Variants in TCF7L1 observed in about 807,000 individuals in gnomAD.
TCF7L1 encodes the protein transcription factor 7 like 1.
Under a neutral mutation model 63.7 loss-of-function variants are expected in TCF7L1, and 18 were observed. That is an observed-to-expected ratio of 0.28 (90% CI 0.20 to 0.42). TCF7L1 has a LOEUF of 0.42. TCF7L1 is among the 10% of genes least tolerant of loss of function. TCF7L1 has a pLI of 1.00. For synonymous variants in TCF7L1, 355 were observed against 340.9 expected, an observed-to-expected ratio of 1.04 and a Z score of -0.46; for missense variants, 654 against 779.3, an observed-to-expected ratio of 0.84 and a Z score of 1.91.
intron 3 of TCF7L1, among the ~76,000 whole-genome samples, chr2:85,267,330 CAAA>C (rs1217663362): frequency 0.015 from 665 of 44,122 alleles, 5 homozygotes; most frequent in African/African-American, 0.054. Context: ...GGCTCTGTCT[CAAA>C]AAAAAAAAAA....
At chr2:85,224,123 G>GT (rs1392007739) in intron 3 of TCF7L1, among the ~76,000 whole-genome samples, 10 of 152,096 alleles carry the variant, frequency 6.6e-5, no homozygotes, top group Admixed American at 1.3e-4. Context: ...TGAAATCATC[G>GT]TTTTTTATAG....
chr2:85,214,703 C>T (rs1255424824), intron 3 of TCF7L1, among the ~76,000 whole-genome samples: 1 of 152,142 alleles, frequency 6.6e-6, no homozygotes, highest in African/African-American at 2.4e-5. Flanking sequence ...ATTAATTGAG[C>T]TGTACATTTA....
At chr2:85,173,862 G>A (rs926446110) in intron 3 of TCF7L1, among the ~76,000 whole-genome samples, 1 of 151,994 alleles carries the variant, frequency 6.6e-6, no homozygotes, top group African/African-American at 2.4e-5. Context: ...TCGGCCTCCT[G>A]AGTAGCTAGG....
intron 3 of TCF7L1, among the ~76,000 whole-genome samples, chr2:85,184,027 C>A (rs2104254373): frequency 6.6e-6 from 1 of 152,304 alleles, no homozygotes; most frequent in East Asian, 1.9e-4. Flanking sequence ...TACAAGGTGT[C>A]ATTCCAGGAA....
At chr2:85,216,384 C>T (rs1033519996) in intron 3 of TCF7L1, among the ~76,000 whole-genome samples, 3 of 152,084 alleles carry the variant, frequency 2.0e-5, no homozygotes, top group African/African-American at 4.8e-5. Flanking sequence ...CATGAAGACC[C>T]GACAGCCCAC....
intron 3 of TCF7L1, among the ~76,000 whole-genome samples, chr2:85,269,578 G>A (rs1405724874): frequency 6.6e-6 from 1 of 152,160 alleles, no homozygotes. Context: ...AAAGTGCTGG[G>A]CTTACAGGCG....
At chr2:85,147,114 A>G (rs1677897225) in intron 3 of TCF7L1, among the ~76,000 whole-genome samples, 1 of 151,968 alleles carries the variant, frequency 6.6e-6, no homozygotes, top group Non-Finnish European at 1.5e-5. Context: ...GTATGTTTGG[A>G]AAAGTTCGGA....
chr2:85,219,077 C>T (rs1039663714), intron 3 of TCF7L1, among the ~76,000 whole-genome samples: 1 of 151,904 alleles, frequency 6.6e-6, no homozygotes, highest in Non-Finnish European at 1.5e-5. Context: ...GGCTTGAGCC[C>T]AGAAGTTAGG....
Position 85,134,416 on chromosome 2 carries a change from C to T in TCF7L1, c.407C>T (p.Ser136Phe). 6.4e-7 allele frequency: 1 copy of T among 1,563,238 alleles called. No homozygotes were observed. The highest frequency in any genetic ancestry group is 8.7e-7 in the Non-Finnish European group (1 of 1,153,390). Reference protein sequence around the residue: ...MIPDLSSPYLSNGPLSPGGAR... With the variant: ...MIPDLSSPYLFNGPLSPGGAR... ...CCGGACCTGAGCAGCCCGTACCTCT[C>T]CAACGGACCCCTGTCTCCCGGAGGA... The change falls in exon 3 of 12, where the codon TCC becomes TTC. Residue 136 changes from serine to phenylalanine, a missense_variant. Coordinates refer to ENST00000282111, the MANE Select transcript of TCF7L1 (RefSeq NM_031283.3). This position sits in a 1 kb window ranked among gnomAD's most constrained non-coding sequence, Gnocchi z 5.0.
chr2:85,235,126 C>T (rs902936878), intron 3 of TCF7L1, among the ~76,000 whole-genome samples: 7 of 152,100 alleles, frequency 4.6e-5, no homozygotes, highest in Non-Finnish European at 1.0e-4. Flanking sequence ...GAAACCAGAG[C>T]TTACTGAGGG....
intron 4 of TCF7L1, among the ~76,000 whole-genome samples, chr2:85,290,582 G>A (rs137882132): frequency 1.2e-4 from 19 of 152,280 alleles, no homozygotes; most frequent in Admixed American, 2.6e-4. Context: ...CCACAATCAA[G>A]ATATAGAACA....
At chr2:85,237,999 C>T (rs890901598) in intron 3 of TCF7L1, among the ~76,000 whole-genome samples, 1 of 152,046 alleles carries the variant, frequency 6.6e-6, no homozygotes, top group Non-Finnish European at 1.5e-5. Context: ...GCATTCCAGG[C>T]GAAGGAGGCT....
chr2:85,229,849 A>G (rs1680038203), intron 3 of TCF7L1, among the ~76,000 whole-genome samples: 3 of 152,150 alleles, frequency 2.0e-5, no homozygotes, highest in South Asian at 4.1e-4. Context: ...TCTACTAAAA[A>G]TACAAAAAAA....
chr2:85,301,901 G>A (rs1205310573), intron 4 of TCF7L1, among the ~76,000 whole-genome samples: 1 of 152,088 alleles, frequency 6.6e-6, no homozygotes, highest in Non-Finnish European at 1.5e-5. Context: ...CGAGGCGGGT[G>A]GATCACCTGA....
intron 3 of TCF7L1, among the ~76,000 whole-genome samples, chr2:85,215,784 G>C (rs1243117062): frequency 2.1e-5 from 3 of 146,028 alleles, no homozygotes; most frequent in Non-Finnish European, 3.0e-5. Context: ...GGGTGAGGGG[G>C]GTGGTGAGGT....
chr2:85,294,026 A>ATTGTTTTTTTTTT (rs1681785942), intron 4 of TCF7L1, among the ~76,000 whole-genome samples: 1 of 59,484 alleles, frequency 1.7e-5, no homozygotes, highest in African/African-American at 6.4e-5. Context: ...GAACACTGGG[A>ATTGTTTTTTTTTT]TTTTTTTTTT....
chr2:85,305,458 T>C, intron 8 of TCF7L1, 55 bp downstream of exon 8: 1 of 1,557,294 alleles, frequency 6.4e-7, no homozygotes, highest in Non-Finnish European at 8.7e-7. Flanking sequence ...TGGGGAGGGG[T>C]GGCCACACTC....
chr2:85,185,551 G>A (rs530890918), intron 3 of TCF7L1, among the ~76,000 whole-genome samples: 2 of 152,250 alleles, frequency 1.3e-5, no homozygotes, highest in East Asian at 3.9e-4. Flanking sequence ...TGAACCACAG[G>A]GCAGCCAGAG....
At chr2:85,294,063 G>T (rs1464203728) in intron 4 of TCF7L1, among the ~76,000 whole-genome samples, 1 of 59,426 alleles carries the variant, frequency 1.7e-5, no homozygotes, top group Admixed American at 2.2e-4. Context: ...TTGAGATGGG[G>T]TCTCCCTCTG....
Sources: gnomAD v4.1 joint callset for allele counts (sites outside exome capture counted in the v4.1 genomes callset) on GRCh38, gnomAD v4.1.1 for gene constraint, Gnocchi (gnomAD v3.1) non-coding constraint, MANE v1.5 for transcripts, NCBI Gene and HGNC (gene_info 2026-07-23, HGNC 2026-07-21) for gene names.